Variants in AP2B1 observed in about 807,000 individuals in gnomAD.
AP2B1 encodes AP-2 complex subunit beta.
AP2B1 carries 23 observed loss-of-function variants against 102.0 expected under a neutral mutation model. That is an observed-to-expected ratio of 0.23 (90% CI 0.16 to 0.32). AP2B1 has a LOEUF of 0.32. Ranked by LOEUF, AP2B1 falls within the 10% of genes least tolerant of loss-of-function variation. The probability of loss-of-function intolerance (pLI) is 1.00; values close to 1 mark genes in which losing one functional copy is unlikely to be tolerated. For missense variants in AP2B1, 541 were observed against 1,157.4 expected (o/e 0.47, Z 7.73); for synonymous variants, 381 against 421.2 (o/e 0.90, Z 1.17).
chr17:35,719,977 G>A (rs1299723638), intron 21 of AP2B1, among the ~76,000 whole-genome samples: 1 of 152,130 alleles, frequency 6.6e-6, no homozygotes, highest in African/African-American at 2.4e-5. Flanking sequence ...AACACCCGTG[G>A]AAGTGCCCAG....
intron 9 of AP2B1, among the ~76,000 whole-genome samples, chr17:35,630,364 A>G (rs545101646): frequency 6.6e-6 from 1 of 152,284 alleles, no homozygotes; most frequent in South Asian, 2.1e-4. Flanking sequence ...TTTTATTACC[A>G]CTGTCACCAC....
rs1196796996 is a variant in AP2B1, at chr17:35,682,345, T to G, written c.2325-350T>G. On this transcript the variant is annotated intron_variant, in intron 17 of 21. Coordinates refer to ENST00000610402, the MANE Select transcript of AP2B1 (RefSeq NM_001030006.2). ...GCAAAATCCTGCCTCTTTTTTTTTTTTTTTTTTTTTTTTTGAGATGGAGTT... is the reference window on the plus strand; with the variant it reads ...GCAAAATCCTGCCTCTTTTTTTTTTGTTTTTTTTTTTTTTGAGATGGAGTT... Among the ~76,000 whole-genome samples the G allele has an allele frequency of 2.6e-4, 37 of 141,298 alleles. 1 individual carries two copies. The South Asian group carries it at 8.6e-3, about 33-fold the overall frequency. 92.7% of individuals were successfully genotyped at this position (141,298 alleles called of 152,430 possible).
intron 9 of AP2B1, among the ~76,000 whole-genome samples, chr17:35,629,627 A>C (rs572985201): frequency 6.6e-6 from 1 of 152,264 alleles, no homozygotes; most frequent in Non-Finnish European, 1.5e-5. Flanking sequence ...TTTAATTGAG[A>C]TGTATACCAT....
At chr17:35,710,975 A>G (rs1374202597) in intron 20 of AP2B1, among the ~76,000 whole-genome samples, 2 of 152,212 alleles carry the variant, frequency 1.3e-5, no homozygotes, top group Non-Finnish European at 2.9e-5. Context: ...TGATGATACT[A>G]ACCTCTTTAA....
At chr17:35,630,244 C>T (rs980785930) in intron 9 of AP2B1, among the ~76,000 whole-genome samples, 1 of 152,094 alleles carries the variant, frequency 6.6e-6, no homozygotes, top group African/African-American at 2.4e-5. Context: ...TTAGCTAGTC[C>T]TGGGTTCTAT....
intron 14 of AP2B1, among the ~76,000 whole-genome samples, chr17:35,659,162 T>G (rs929446417): frequency 6.6e-6 from 1 of 152,216 alleles, no homozygotes; most frequent in African/African-American, 2.4e-5. Context: ...TCATGGAGGC[T>G]CCTAAGAATC....
intron 9 of AP2B1, 26 bp from the exon 10 acceptor site, chr17:35,636,315 C>T (rs2074605808): frequency 6.4e-7 from 1 of 1,559,802 alleles, no homozygotes; most frequent in Admixed American, 1.7e-5. Flanking sequence ...CATCTGACTT[C>T]TCATTTTTTG....
intron 5 of AP2B1, among the ~76,000 whole-genome samples, chr17:35,615,852 C>G (rs1294864922): frequency 1.3e-5 from 2 of 152,008 alleles, no homozygotes; most frequent in African/African-American, 4.8e-5. Context: ...ATCTGAGTTC[C>G]TCAAATTGTG....
chr17:35,720,596 T>G (rs1183250416), intron 21 of AP2B1, among the ~76,000 whole-genome samples: 1 of 120,888 alleles, frequency 8.3e-6, no homozygotes, highest in Admixed American at 8.4e-5. Context: ...TTTTTTTTTT[T>G]TTTTAATATA....
intron 18 of AP2B1, among the ~76,000 whole-genome samples, chr17:35,695,609 T>C (rs1317849196): frequency 6.6e-6 from 1 of 152,172 alleles, no homozygotes; most frequent in Non-Finnish European, 1.5e-5. Flanking sequence ...TTTCTGCCAG[T>C]GTATAACCTC....
chr17:35,601,926 T>C (rs225289), intron 3 of AP2B1, among the ~76,000 whole-genome samples: 129,951 of 151,972 alleles, frequency 0.86, 55,771 homozygotes, highest in East Asian at 0.97. Context: ...TACAGGCATG[T>C]GCCACCACGC....
chr17:35,588,757 A>T (rs1220897208), intron 1 of AP2B1: 1 of 152,240 alleles, frequency 6.6e-6, no homozygotes, highest in African/African-American at 2.4e-5. Context: ...GCAGTATCTT[A>T]GCCGTTGAAA....
rs1016458833 is a variant in AP2B1 at position 35,724,922 on chromosome 17, G to C, written c.*1223G>C. 4 of 152,240 alleles carry C rather than the reference G, an allele frequency of 2.6e-5. No individual in the cohort carries two copies. The highest frequency in any genetic ancestry group is 1.3e-4 in the Admixed American group (2 of 15,278). 9.4% of individuals were successfully genotyped at this position (152,240 alleles called of 1,614,324 possible). ...TACTCGAAGGTAAAGCCAGATGCCA[G>C]AATGAAGGTGTAGCCAGTGTTTCCC... On this transcript the variant is annotated 3_prime_UTR_variant, in exon 22 of 22. Coordinates refer to ENST00000610402, the MANE Select transcript of AP2B1 (RefSeq NM_001030006.2).
At chr17:35,594,540 G>A (rs1005090778) in intron 2 of AP2B1, among the ~76,000 whole-genome samples, 1 of 152,032 alleles carries the variant, frequency 6.6e-6, no homozygotes, top group Non-Finnish European at 1.5e-5. Context: ...CTTTTTCTCT[G>A]CATATGAGTG....
chr17:35,689,953 C>A (rs1246459071), intron 18 of AP2B1, among the ~76,000 whole-genome samples: 1 of 152,174 alleles, frequency 6.6e-6, no homozygotes, highest in African/African-American at 2.4e-5. Flanking sequence ...TGGCTTGGAG[C>A]TCACTGAGCT....
At chr17:35,589,085 C>T (rs931714190) in intron 1 of AP2B1, among the ~76,000 whole-genome samples, 1 of 152,100 alleles carries the variant, frequency 6.6e-6, no homozygotes, top group African/African-American at 2.4e-5. Flanking sequence ...CTTTTGAACT[C>T]CTTTGCTTCG....
At chr17:35,691,087 CTT>C (rs148650718) in intron 18 of AP2B1, among the ~76,000 whole-genome samples, 1 of 149,708 alleles carries the variant, frequency 6.7e-6, no homozygotes. Flanking sequence ...CACAATGTCT[CTT>C]TTTTTTTTCT....
At position 35,588,215 on chromosome 17, in the gene AP2B1, G is replaced by A. The variant is rs548407868; in HGVS notation, c.-24+787G>A. ...ATTTGTTCATGCTGCTTGTTTTCAAGAGTAGTCTTCTATTGGAGGGGTGGG... is the reference window on the plus strand; with the variant it reads ...ATTTGTTCATGCTGCTTGTTTTCAAAAGTAGTCTTCTATTGGAGGGGTGGG... On this transcript the variant is annotated intron_variant, in intron 1 of 21. Coordinates refer to ENST00000610402, the MANE Select transcript of AP2B1 (RefSeq NM_001030006.2). 3.6e-4 allele frequency among the ~76,000 whole-genome samples: 48 copies of A among 132,630 alleles called. 2 individuals carry two copies. The highest frequency in any genetic ancestry group is 1.1e-3 in the African/African-American group (39 of 35,910). 87.0% of individuals were successfully genotyped at this position (132,630 alleles called of 152,430 possible). A position where few individuals can be genotyped will look rare whatever the true frequency, so the allele number is the denominator to read the frequency against.
intron 18 of AP2B1, among the ~76,000 whole-genome samples, chr17:35,700,863 C>T (rs2076226392): frequency 1.3e-5 from 2 of 152,164 alleles, no homozygotes; most frequent in South Asian, 4.1e-4. Flanking sequence ...GCATTTATAG[C>T]CTGCTTTTGT....
Sources: gnomAD v4.1 joint callset for allele counts (sites outside exome capture counted in the v4.1 genomes callset) on GRCh38, gnomAD v4.1.1 for gene constraint, MANE v1.5 for transcripts, NCBI Gene and HGNC (gene_info 2026-07-23, HGNC 2026-07-21) for gene names.